AGK: variants seen among roughly 807,000 people sequenced by gnomAD.
AGK encodes the protein acylglycerol kinase.
A neutral mutation model predicts 66.4 loss-of-function variants in AGK; 52 were observed. The observed-to-expected ratio is 0.78, with a 90% CI of 0.63 to 0.99. AGK has a LOEUF of 0.99. AGK is among the 50% of genes least tolerant of loss of function. AGK has a pLI of 0.00. For synonymous variants in AGK, 182 were observed against 181.1 expected (o/e 1.00, Z -0.04); for missense variants, 451 against 506.6 (o/e 0.89, Z 1.05).
At chr7:141,632,668 G>C (rs980727436) in intron 9 of AGK, among the ~76,000 whole-genome samples, 3 of 152,178 alleles carry the variant, frequency 2.0e-5, no homozygotes, top group African/African-American at 7.2e-5. Flanking sequence ...TAGGCACCCA[G>C]AAAACTAATA....
chr7:141,598,457 C>T lies in AGK; in HGVS notation c.221+1816C>T, dbSNP rs1796273693. The stretch of plus-strand genomic sequence containing the variant: ...GAATCTGGTCTGTTTACTGTTTTGC[C>T]ACTTACTAGCTCTATGATATTGTGG... On this transcript the variant is annotated intron_variant, in intron 4 of 15. Transcript: ENST00000649286. This position sits in a 1 kb window ranked among gnomAD's most constrained non-coding sequence, Gnocchi z 4.2. Among the ~76,000 whole-genome samples the T allele has an allele frequency of 6.6e-6, 1 of 152,158 alleles. No individual in the cohort carries two copies. The highest frequency in any genetic ancestry group is 1.5e-5 in the Non-Finnish European group (1 of 68,028).
At chr7:141,596,028 T>C (rs1278115118) in intron 3 of AGK, among the ~76,000 whole-genome samples, 1 of 152,182 alleles carries the variant, frequency 6.6e-6, no homozygotes, top group Non-Finnish European at 1.5e-5. Flanking sequence ...TATATATTAG[T>C]TATGTTTCTT....
In AGK at chr7:141,596,645, G is replaced by A; in HGVS notation, c.221+4G>A. On this transcript the variant is annotated splice_donor_region_variant and intron_variant, in intron 4 of 15. Transcript: ENST00000649286. ...TCAATCCTGCAGCTTGCAAAGGGTA[G>A]TTCCGTTTGTGACTTGTTATATACT... 1 of 1,613,214 alleles carries A rather than the reference G, an allele frequency of 6.2e-7. No homozygotes were observed. Among genetic ancestry groups the A allele is most frequent in the Non-Finnish European group, 8.5e-7 (1 of 1,179,206 alleles).
intron 8 of AGK, among the ~76,000 whole-genome samples, chr7:141,621,121 CTA>C (rs1796814177): frequency 6.6e-6 from 1 of 152,198 alleles, no homozygotes; most frequent in East Asian, 1.9e-4. Flanking sequence ...CCTTCACATG[CTA>C]CATGGATGTC....
At chr7:141,565,465 C>T (rs563552720) in intron 2 of AGK, among the ~76,000 whole-genome samples, 2 of 151,992 alleles carry the variant, frequency 1.3e-5, no homozygotes, top group Non-Finnish European at 2.9e-5. Context: ...AGCCTGGCCA[C>T]CATGGCAAAA....
chr7:141,559,249 C>T (rs1219490601), intron 2 of AGK, among the ~76,000 whole-genome samples: 1 of 152,036 alleles, frequency 6.6e-6, no homozygotes, highest in Non-Finnish European at 1.5e-5. Flanking sequence ...TATATTGGGT[C>T]TTACATTTAG....
chr7:141,604,407 CAT>C (rs1796411234), intron 5 of AGK, among the ~76,000 whole-genome samples: 1 of 83,220 alleles, frequency 1.2e-5, no homozygotes, highest in African/African-American at 4.1e-5. Flanking sequence ...TATATATACA[CAT>C]ACATACACAC....
Position 141,557,152 on chromosome 7 carries a change from T to C in AGK, c.101+1585T>C, listed in dbSNP as rs1021343177. On this transcript the variant is annotated intron_variant, in intron 2 of 15. Transcript: ENST00000649286. The stretch of plus-strand genomic sequence containing the variant: ...ACATTGGAAAAGAGATTCATATTGA[T>C]ATTTTGTGAACACTCAATTCACCAC... Among the ~76,000 whole-genome samples the C allele has an allele frequency of 3.9e-5, 6 of 152,348 alleles. No homozygotes were observed. In the South Asian group the frequency reaches 1.2e-3, roughly 32 times the overall value.
intron 2 of AGK, among the ~76,000 whole-genome samples, chr7:141,577,854 T>C (rs1795784496): frequency 6.6e-6 from 1 of 150,648 alleles, no homozygotes; most frequent in African/African-American, 2.4e-5. Flanking sequence ...AGCCTCACTC[T>C]GTCACCCAGG....
At chr7:141,579,231 A>C (rs1475005950) in intron 2 of AGK, among the ~76,000 whole-genome samples, 1 of 152,062 alleles carries the variant, frequency 6.6e-6, no homozygotes, top group East Asian at 1.9e-4. Flanking sequence ...GTCCTTTTTA[A>C]GTTGGTGGCT....
At chr7:141,615,138 G>C (rs1032228379) in intron 7 of AGK, among the ~76,000 whole-genome samples, 1 of 152,226 alleles carries the variant, frequency 6.6e-6, no homozygotes, top group Non-Finnish European at 1.5e-5. Flanking sequence ...TTATCAAATA[G>C]TGTGACAATG....
chr7:141,560,910 C>T (rs1460163837), intron 2 of AGK, among the ~76,000 whole-genome samples: 2 of 151,506 alleles, frequency 1.3e-5, no homozygotes, highest in East Asian at 1.9e-4. Flanking sequence ...CATTCTGCCT[C>T]AGCCTCCCAA....
Position 141,555,541 on chromosome 7 carries a change from A to C in AGK, c.75A>C (p.Gly25=). 6.2e-7 allele frequency: 1 copy of C among 1,613,972 alleles called. No homozygotes were observed. Among genetic ancestry groups the C allele is most frequent in the East Asian group, 2.2e-5 (1 of 44,876 alleles). ...CTGGGCTCTGCCTGCTGACCTGGGG[A>C]GGCCATTGGCTCTATGGAAAACACT... The part of the protein sequence containing the change: ...TTAGLCLLTW[G]GHWLYGKHCD... The change falls in exon 2 of 16, where the codon GGA becomes GGC. Residue 25 remains glycine (G), a synonymous_variant. Transcript: ENST00000649286. The surrounding 1 kb of genome is among the most constrained non-coding windows in gnomAD (Gnocchi z 4.2).
intron 9 of AGK, 48 bp downstream of exon 9, chr7:141,621,849 CT>C: frequency 7.4e-7 from 1 of 1,355,030 alleles, no homozygotes; most frequent in Non-Finnish European, 1.1e-6. Context: ...GTAATACTCG[CT>C]TACATGTTAA....
chr7:141,636,201 TTTAA>T (rs1392900081), intron 10 of AGK, among the ~76,000 whole-genome samples: 2 of 152,224 alleles, frequency 1.3e-5, no homozygotes, highest in Non-Finnish European at 2.9e-5. Flanking sequence ...TTTACACATT[TTTAA>T]TTGAGTGTGC....
At chr7:141,556,583 C>T (rs142123397) in intron 2 of AGK, among the ~76,000 whole-genome samples, 232 of 151,950 alleles carry the variant, frequency 1.5e-3, no homozygotes, top group African/African-American at 5.4e-3. Flanking sequence ...ATGTTTGCCC[C>T]AAGCAGTTCC....
At chr7:141,605,156 A>G (rs914863053) in intron 5 of AGK, among the ~76,000 whole-genome samples, 3 of 152,206 alleles carry the variant, frequency 2.0e-5, no homozygotes, top group Non-Finnish European at 4.4e-5. Context: ...TTATCCAGGT[A>G]GCACGCATTT....
intron 11 of AGK, 93 bp from the exon 12 acceptor site, chr7:141,641,155 T>A: frequency 1.7e-6 from 2 of 1,200,930 alleles, no homozygotes; most frequent in Admixed American, 4.5e-5. Context: ...TTCTAGCAGG[T>A]ATAGGTAGAC....
rs1395081309 is a variant in AGK at position 141,649,271 on chromosome 7, A to T, written c.984A>T (p.Glu328Asp). 1.2e-6 allele frequency: 2 copies of T among 1,613,328 alleles called. No homozygotes were observed. The highest frequency in any genetic ancestry group is 1.7e-6 in the Non-Finnish European group (2 of 1,179,442). ...GTTCTTAACCTTTTTAGAGCAAAGA[A>T]GATTTTCTGAATATCTGCATTGAAC... ...RNNQLDPTSK[E>D]DFLNICIEPD... The change falls in exon 14 of 16, where the codon GAA becomes GAT. Residue 328 changes from glutamate to aspartate, a missense_variant. Coordinates refer to ENST00000649286, the MANE Select transcript of AGK (RefSeq NM_018238.4).
Sources: allele counts gnomAD v4.1 joint callset (sites outside exome capture counted in the v4.1 genomes callset), GRCh38; gene constraint gnomAD v4.1.1; non-coding constraint Gnocchi (gnomAD v3.1); transcripts MANE v1.5; gene names NCBI Gene and HGNC (gene_info 2026-07-23, HGNC 2026-07-21).